Variants in SLC37A3 observed in about 807,000 individuals in gnomAD.
SLC37A3 encodes sugar phosphate exchanger 3.
Under a neutral mutation model 67.1 loss-of-function variants are expected in SLC37A3, and 51 were observed. The ratio of observed to expected loss-of-function variants is 0.76; its 90% CI spans 0.61 to 0.96. The LOEUF is 0.96. Among genes scored for constraint, SLC37A3 ranks in the 40% least tolerant of loss-of-function variants. SLC37A3 has a pLI of 0.00. For synonymous variants in SLC37A3, 214 were observed against 231.4 expected (o/e 0.92, Z 0.68); for missense variants, 508 against 603.0 (o/e 0.84, Z 1.65).
At chr7:140,360,732 TA>T (rs10631882) in intron 5 of SLC37A3, among the ~76,000 whole-genome samples, 109 of 137,274 alleles carry the variant, frequency 7.9e-4, no homozygotes, top group Non-Finnish European at 9.8e-4. Flanking sequence ...AGACTCCGTT[TA>T]AAAAAAAAAA....
At chr7:140,382,275 C>G (rs778686505) in intron 2 of SLC37A3, among the ~76,000 whole-genome samples, 163 bp downstream of exon 2, 1 of 152,088 alleles carries the variant, frequency 6.6e-6, no homozygotes, top group Non-Finnish European at 1.5e-5. Context: ...GAGGGCAAAA[C>G]AGCCCTCCAG....
intron 5 of SLC37A3, among the ~76,000 whole-genome samples, chr7:140,361,962 C>T (rs1797325259): frequency 7.0e-6 from 1 of 143,230 alleles, no homozygotes; most frequent in African/African-American, 2.6e-5. Context: ...AGCCTCTGCC[C>T]AGCCGCCACC....
At chr7:140,392,084 C>G (rs6970119) in intron 1 of SLC37A3, among the ~76,000 whole-genome samples, 57,444 of 151,898 alleles carry the variant, frequency 0.38, 11,183 homozygotes, top group Non-Finnish European at 0.43. Context: ...GTATGGGGAA[C>G]TCTCCTTACG....
chr7:140,352,214 A>C, intron 7 of SLC37A3, 68 bp from the exon 8 acceptor site: 2 of 227,486 alleles, frequency 8.8e-6, no homozygotes, highest in Non-Finnish European at 1.7e-5. Context: ...CATTCATTAA[A>C]GGTGTGTGGG....
intron 5 of SLC37A3, among the ~76,000 whole-genome samples, chr7:140,363,785 C>T (rs544051642): frequency 2.7e-5 from 4 of 145,830 alleles, no homozygotes; most frequent in Non-Finnish European, 6.0e-5. Context: ...GGGATGTTAG[C>T]GGCCTGGAAA....
chr7:140,348,596 T>C (rs767030215), intron 10 of SLC37A3, 30 bp downstream of exon 10: 3 of 1,583,008 alleles, frequency 1.9e-6, no homozygotes, highest in Admixed American at 4.0e-5. Flanking sequence ...ACTAACTCTT[T>C]ATTATGGAAA....
At chr7:140,363,087 G>A (rs1431233439) in intron 5 of SLC37A3, among the ~76,000 whole-genome samples, 1 of 87,332 alleles carries the variant, frequency 1.1e-5, no homozygotes, top group Non-Finnish European at 2.6e-5. Context: ...TCAGCCCCCC[G>A]CCCGGCCAGC....
chr7:140,368,242 A>G (rs566583077), intron 4 of SLC37A3, among the ~76,000 whole-genome samples: 2 of 152,222 alleles, frequency 1.3e-5, no homozygotes, highest in East Asian at 1.9e-4. Flanking sequence ...CAATTCACGC[A>G]GCCTCACAGT....
chr7:140,354,803 T>C (rs1262811223), intron 7 of SLC37A3, among the ~76,000 whole-genome samples: 1 of 150,960 alleles, frequency 6.6e-6, no homozygotes, highest in African/African-American at 2.4e-5. Context: ...TGCAGTGGTG[T>C]ATCTTGGCTC....
At position 140,334,395 on chromosome 7, in the gene SLC37A3, CA is replaced by C. The variant is rs1252352195; in HGVS notation, c.*1016del. The C allele has an allele frequency of 1.3e-5, 2 of 152,408 alleles. No individual in the cohort carries two copies. Among genetic ancestry groups the C allele is most frequent in the Non-Finnish European group, 2.9e-5 (2 of 68,040 alleles). The allele number at this position is 152,408 out of a possible 1,614,324, so 9.4% of individuals were successfully genotyped here. A position where few individuals can be genotyped will look rare whatever the true frequency, so the allele number is the denominator to read the frequency against. ...TGGGTTTACTGGGACATAACCCCAT[CA>C]TAAGTCAAAGAGCATCTGTACTTGA... On this transcript the variant is annotated 3_prime_UTR_variant, in exon 15 of 15. Transcript: ENST00000326232.
At chr7:140,336,467 T>C (rs567822571) in intron 14 of SLC37A3, among the ~76,000 whole-genome samples, 150 of 152,316 alleles carry the variant, frequency 9.8e-4, no homozygotes, top group African/African-American at 3.2e-3. Flanking sequence ...TTACTCTGTA[T>C]TGGCTATTTC....
chr7:140,360,366 GGTCTAACTAAACTCC>G (rs1797216667), intron 5 of SLC37A3, among the ~76,000 whole-genome samples: 2 of 151,870 alleles, frequency 1.3e-5, no homozygotes, highest in African/African-American at 2.4e-5. Context: ...AATAAATTAG[GGTCTAACTAAACTCC>G]ATGGTTTCAT....
chr7:140,359,571 G>A (rs1797183375), intron 5 of SLC37A3, among the ~76,000 whole-genome samples: 1 of 152,128 alleles, frequency 6.6e-6, no homozygotes, highest in South Asian at 2.1e-4. Context: ...CAACGAAAGC[G>A]AAACCTATCA....
At position 140,364,405 on chromosome 7, in the gene SLC37A3, TAC is replaced by T. The variant is rs1362032491; in HGVS notation, c.375+1_375+2del. 1 of 1,612,100 alleles carries T rather than the reference TAC, an allele frequency of 6.2e-7. No homozygotes were observed. The highest frequency in any genetic ancestry group is 2.2e-5 in the East Asian group (1 of 44,864). On this transcript the variant is annotated splice_donor_variant, in intron 5 of 14. Coordinates refer to ENST00000326232, the MANE Select transcript of SLC37A3 (RefSeq NM_207113.3). LOFTEE classifies it high-confidence loss of function. ...ATAATAATAATAAGACCTTTCAACT[TAC>T]CACTAATGCAGAAGAGCACATGCCA...
intron 1 of SLC37A3, among the ~76,000 whole-genome samples, chr7:140,393,647 C>T (rs1247877051): frequency 6.6e-6 from 1 of 152,294 alleles, no homozygotes; most frequent in South Asian, 2.1e-4. Context: ...TGAAATGTCA[C>T]CCCCTAGAGT....
chr7:140,363,690 TAAA>T (rs1173376055), intron 5 of SLC37A3, among the ~76,000 whole-genome samples: 532 of 30,610 alleles, frequency 0.017, 5 homozygotes, highest in African/African-American at 0.044. Flanking sequence ...GAATGATCAA[TAAA>T]AAAAAAATAA....
intron 4 of SLC37A3, among the ~76,000 whole-genome samples, chr7:140,367,018 G>C (rs7778099): frequency 0.39 from 59,521 of 151,664 alleles, 12,348 homozygotes; most frequent in Non-Finnish European, 0.46. Context: ...CATGTCTGCA[G>C]TCCCAGCTAC....
chr7:140,353,720 G>T (rs568405839), intron 7 of SLC37A3, among the ~76,000 whole-genome samples: 29 of 146,104 alleles, frequency 2.0e-4, no homozygotes, highest in African/African-American at 6.0e-4. Context: ...GTTTTGTTTT[G>T]TTTTTTTTTT....
rs150368136 is a variant in SLC37A3, at chr7:140,345,218, G to A, written c.1172C>T (p.Thr391Ile). 2.5e-6 allele frequency: 4 copies of A among 1,613,432 alleles called. No homozygotes were observed. In the African/African-American group the frequency reaches 5.3e-5, roughly 22 times the overall value. The change falls in exon 12 of 15, where the codon ACA (threonine) becomes ATA (isoleucine). Residue 391 changes from threonine to isoleucine, a missense_variant and splice_region_variant. Physicochemically the swap from Thr to Ile is moderately conservative, Grantham distance 89. Coordinates refer to ENST00000326232, the MANE Select transcript of SLC37A3 (RefSeq NM_207113.3). ...TGGAGCAGAGCCATGTGCCGTACCT[G>A]TAACAGTCATCAGAAGGGCATTGAT... Reference protein sequence around the residue: ...KSINALLMTVTGFFIGGPSNM... With the variant: ...KSINALLMTVIGFFIGGPSNM...
Sources: allele counts gnomAD v4.1 joint callset (sites outside exome capture counted in the v4.1 genomes callset), GRCh38; gene constraint gnomAD v4.1.1; transcripts MANE v1.5; gene names NCBI Gene and HGNC (gene_info 2026-07-23, HGNC 2026-07-21).